The following RPS6KA2 variants were observed in gnomAD, a reference collection of about 807,000 sequenced individuals.
RPS6KA2 encodes the protein ribosomal protein S6 kinase alpha-2.
In RPS6KA2, 42 loss-of-function variants were observed where a neutral mutation model predicts 91.8. The ratio of observed to expected loss-of-function variants is 0.46; its 90% CI spans 0.36 to 0.59. The LOEUF is 0.59. Ranked by LOEUF, RPS6KA2 falls within the 20% of genes least tolerant of loss-of-function variation. The pLI, the probability that RPS6KA2 is intolerant of heterozygous loss-of-function variation, is 0.00. For missense variants in RPS6KA2, 798 were observed against 978.5 expected, an observed-to-expected ratio of 0.82 and a Z score of 2.46; for synonymous variants, 414 against 393.6, an observed-to-expected ratio of 1.05 and a Z score of -0.61.
chr6:166,599,753 T>C (rs1414149518), intron 1 of RPS6KA2, among the ~76,000 whole-genome samples: 4 of 152,186 alleles, frequency 2.6e-5, no homozygotes, highest in Non-Finnish European at 5.9e-5. Flanking sequence ...TAGCCCAATA[T>C]GCGCTCAGTA....
intron 2 of RPS6KA2, among the ~76,000 whole-genome samples, chr6:166,832,989 A>G (rs1780224903): frequency 6.6e-6 from 1 of 152,232 alleles, no homozygotes; most frequent in Non-Finnish European, 1.5e-5. Context: ...ATGCAGTTTA[A>G]TTTGCTTAAT....
chr6:166,548,185 A>T (rs1201118545), intron 1 of RPS6KA2, among the ~76,000 whole-genome samples: 1 of 152,344 alleles, frequency 6.6e-6, no homozygotes, highest in South Asian at 2.1e-4. Context: ...AAATTACGGA[A>T]CATATTATTG....
chr6:166,583,506 G>A (rs1343070536), intron 1 of RPS6KA2, among the ~76,000 whole-genome samples: 1 of 152,186 alleles, frequency 6.6e-6, no homozygotes, highest in Admixed American at 6.5e-5. Flanking sequence ...CTGAGCTCTG[G>A]CCAGGCCGTG....
At chr6:166,848,131 C>T (rs1484861855) in intron 2 of RPS6KA2, among the ~76,000 whole-genome samples, 1 of 152,110 alleles carries the variant, frequency 6.6e-6, no homozygotes, top group East Asian at 1.9e-4. Flanking sequence ...AGAAGATATA[C>T]AAATGGCCAA....
chr6:166,641,764 A>AAAAAAAAAAAAAAAAAAAAAAAG (rs1787445041), intron 2 of RPS6KA2, among the ~76,000 whole-genome samples: 1 of 140,134 alleles, frequency 7.1e-6, no homozygotes, highest in Non-Finnish European at 1.5e-5. Flanking sequence ...AAAAAAAAAA[A>AAAAAAAAAAAAAAAAAAAAAAAG]TTCAATAGAT....
At chr6:166,759,045 T>C (rs895444664) in intron 2 of RPS6KA2, among the ~76,000 whole-genome samples, 42 of 151,988 alleles carry the variant, frequency 2.8e-4, no homozygotes, top group Non-Finnish European at 5.3e-4. Flanking sequence ...AAAACTCATT[T>C]ATCCAGGTCA....
intron 14 of RPS6KA2, among the ~76,000 whole-genome samples, chr6:166,444,217 C>T (rs1779606092): frequency 6.6e-6 from 1 of 152,332 alleles, no homozygotes; most frequent in East Asian, 1.9e-4. Flanking sequence ...ATACACCTCT[C>T]CCCTTCCTTT....
rs1369369916 is a variant in RPS6KA2, at chr6:166,821,635, C to T, written c.123+36565G>A. ...CCTCCCCCTCACTTATTCCCTTTCA[C>T]TATTGCTGTGCCCCAGATTTCCACT... On this transcript the variant is annotated intron_variant, in intron 2 of 21. Coordinates refer to the RPS6KA2 transcript ENST00000503859. The surrounding 1 kb of genome is among the most constrained non-coding windows in gnomAD (Gnocchi z 4.1). 1.3e-5 allele frequency among the ~76,000 whole-genome samples: 2 copies of T among 152,098 alleles called. No homozygotes were observed. The highest frequency in any genetic ancestry group is 2.9e-5 in the Non-Finnish European group (2 of 68,008).
At chr6:166,792,535 G>A (rs1326845777) in intron 2 of RPS6KA2, among the ~76,000 whole-genome samples, 1 of 151,714 alleles carries the variant, frequency 6.6e-6, no homozygotes, top group Non-Finnish European at 1.5e-5. Flanking sequence ...ACCAAAGCCT[G>A]GCAGAGACAC....
At chr6:166,463,878 T>C (rs1383071224) in intron 11 of RPS6KA2, among the ~76,000 whole-genome samples, 1 of 152,084 alleles carries the variant, frequency 6.6e-6, no homozygotes, top group Non-Finnish European at 1.5e-5. Context: ...GTGTGACAGG[T>C]CAGTGGCTCA....
chr6:166,681,664 G>T (rs1032932443), intron 2 of RPS6KA2, among the ~76,000 whole-genome samples: 1 of 143,074 alleles, frequency 7.0e-6, no homozygotes, highest in Non-Finnish European at 1.5e-5. Context: ...ACAGGACCAG[G>T]CCTCTCCCTG....
intron 3 of RPS6KA2, among the ~76,000 whole-genome samples, chr6:166,514,884 G>A (rs1278835444): frequency 1.3e-5 from 2 of 152,198 alleles, no homozygotes; most frequent in African/African-American, 4.8e-5. Flanking sequence ...TTAGCCAGGA[G>A]AGAAGTCAGG....
intron 2 of RPS6KA2, among the ~76,000 whole-genome samples, chr6:166,694,327 G>A (rs2128572474): frequency 6.6e-6 from 1 of 152,320 alleles, no homozygotes; most frequent in South Asian, 2.1e-4. Context: ...CCTCCTTTAG[G>A]TGAACTTGCT....
rs1032090891 is a variant in RPS6KA2, at chr6:166,852,511, G to C, written c.123+5689C>G. Among the ~76,000 whole-genome samples, 1 of 152,206 alleles carries C rather than the reference G, an allele frequency of 6.6e-6. No homozygotes were observed. The highest frequency in any genetic ancestry group is 1.5e-5 in the Non-Finnish European group (1 of 68,022). On this transcript the variant is annotated intron_variant, in intron 2 of 21. Transcript: ENST00000503859. This position sits in a 1 kb window ranked among gnomAD's most constrained non-coding sequence, Gnocchi z 4.1. ...GCAACGTGGCCGCACAGGCGGTTTA[G>C]CCTGTCCCGGGCCATATCCTGCTGG...
chr6:166,558,093 T>A (rs138766962), intron 1 of RPS6KA2, among the ~76,000 whole-genome samples: 1 of 152,076 alleles, frequency 6.6e-6, no homozygotes, highest in Non-Finnish European at 1.5e-5. Flanking sequence ...GGTGTGTACA[T>A]ATATATGTAT....
chr6:166,478,357 C>T (rs547088484), intron 10 of RPS6KA2, among the ~76,000 whole-genome samples: 9 of 152,264 alleles, frequency 5.9e-5, no homozygotes, highest in South Asian at 4.2e-4. Context: ...TTTCAGCCAC[C>T]GGCAAGGTTC....
chr6:166,828,243 A>C (rs1780095393), intron 2 of RPS6KA2, among the ~76,000 whole-genome samples: 1 of 152,236 alleles, frequency 6.6e-6, no homozygotes, highest in African/African-American at 2.4e-5. Context: ...ATCAGAGCCC[A>C]GTGGTCAGAA....
chr6:166,485,069 C>T (rs1013112259), intron 10 of RPS6KA2, among the ~76,000 whole-genome samples: 10 of 152,210 alleles, frequency 6.6e-5, no homozygotes, highest in South Asian at 2.1e-4. Flanking sequence ...GGCAGGGGAA[C>T]GTCGGAGCTG....
rs367781190 is a variant in RPS6KA2, at chr6:166,423,239, A to G, written c.1743+17T>C. Reference sequence around the variant, plus strand: ...TGCGGATAGAGAGGCCTGGGTCTGCAGTCGGGGAATGCTCACCTCCGGGGC... The same window carrying G: ...TGCGGATAGAGAGGCCTGGGTCTGCGGTCGGGGAATGCTCACCTCCGGGGC... On this transcript the variant is annotated intron_variant, in intron 17 of 20. Coordinates refer to ENST00000265678, the MANE Select transcript of RPS6KA2 (RefSeq NM_021135.6). The surrounding 1 kb of genome is among the most constrained non-coding windows in gnomAD (Gnocchi z 4.8). 6.3e-7 allele frequency: 1 copy of G among 1,596,316 alleles called. No homozygotes were observed. Among genetic ancestry groups the G allele is most frequent in the African/African-American group, 1.3e-5 (1 of 74,646 alleles).
Sources: allele counts gnomAD v4.1 joint callset (sites outside exome capture counted in the v4.1 genomes callset), GRCh38; gene constraint gnomAD v4.1.1; non-coding constraint Gnocchi (gnomAD v3.1); transcripts MANE v1.5; gene names NCBI Gene and HGNC (gene_info 2026-07-23, HGNC 2026-07-21).